SERTM1: variants seen among roughly 807,000 people sequenced by gnomAD.
The protein encoded by SERTM1 is serine-rich and transmembrane domain-containing protein 1.
In SERTM1, 1 loss-of-function variant was observed where a neutral mutation model predicts 5.5. The ratio of observed to expected loss-of-function variants is 0.18; its 90% CI spans 0.06 to 0.86. The LOEUF (loss-of-function observed/expected upper bound fraction) is 0.86, where lower values mean the gene tolerates loss of function less well. SERTM1 is among the 40% of genes least tolerant of loss of function. The probability of loss-of-function intolerance (pLI) is 0.69; values close to 1 mark genes in which losing one functional copy is unlikely to be tolerated. For missense variants in SERTM1, 91 were observed against 122.4 expected (o/e 0.74, Z 1.21); for synonymous variants, 52 against 55.1 (o/e 0.94, Z 0.25).
Position 36,694,966 on chromosome 13 carries a change from C to A in SERTM1, c.-113C>A. 1 of 748,316 alleles carries A rather than the reference C, an allele frequency of 1.3e-6. No individual in the cohort carries two copies. Among genetic ancestry groups the A allele is most frequent in the Non-Finnish European group, 2.2e-6 (1 of 446,464 alleles). The allele number at this position is 748,316 out of a possible 1,614,324, so 46.4% of individuals were successfully genotyped here. ...AACAAGTTTTGTTGTGCTGATTTAA[C>A]AGCCTGTGAATTCTGCAAACACGAT... On this transcript the variant is annotated 5_prime_UTR_variant, in exon 2 of 2. Transcript: ENST00000315190.
chr13:36,676,811 A>T (rs1278730917), intron 1 of SERTM1, among the ~76,000 whole-genome samples: 4 of 152,210 alleles, frequency 2.6e-5, no homozygotes, highest in African/African-American at 7.2e-5. Flanking sequence ...GCTAAAAATA[A>T]TAATAATAAA....
intron 1 of SERTM1, among the ~76,000 whole-genome samples, chr13:36,690,274 G>A (rs1004721997): frequency 2.0e-5 from 3 of 152,084 alleles, no homozygotes; most frequent in Non-Finnish European, 2.9e-5. Context: ...CCAATTGAAG[G>A]ACTCATAATG....
At chr13:36,679,923 C>A (rs2056693035) in intron 1 of SERTM1, among the ~76,000 whole-genome samples, 1 of 152,020 alleles carries the variant, frequency 6.6e-6, no homozygotes, top group Non-Finnish European at 1.5e-5. Flanking sequence ...ACGCACACAA[C>A]TTTGTTTCAT....
chr13:36,684,261 C>T (rs1345202443), intron 1 of SERTM1, among the ~76,000 whole-genome samples: 1 of 151,924 alleles, frequency 6.6e-6, no homozygotes, highest in Non-Finnish European at 1.5e-5. Context: ...CGCACCACTG[C>T]ACTCCAGCCT....
intron 1 of SERTM1, among the ~76,000 whole-genome samples, chr13:36,681,389 A>G (rs956773891): frequency 1.3e-5 from 2 of 152,238 alleles, no homozygotes; most frequent in African/African-American, 4.8e-5. Context: ...TGAGTAGCCC[A>G]GATCTCCAAA....
At chr13:36,685,440 G>T (rs966262453) in intron 1 of SERTM1, among the ~76,000 whole-genome samples, 1 of 152,204 alleles carries the variant, frequency 6.6e-6, no homozygotes, top group Admixed American at 6.5e-5. Context: ...CGTGTTTTAT[G>T]TAACCTCTGT....
At position 36,696,857 on chromosome 13, in the gene SERTM1, C is replaced by T. The variant is rs1377344835; in HGVS notation, c.*1455C>T. 6.0e-6 allele frequency: 1 copy of T among 167,074 alleles called. No individual in the cohort carries two copies. The highest frequency in any genetic ancestry group is 1.5e-5 in the Non-Finnish European group (1 of 68,122). 10.3% of individuals were successfully genotyped at this position (167,074 alleles called of 1,614,324 possible). ...CAACTGAATCATTCCTTGTTCAAAA[C>T]ATTTAATCATCTTAAGCAGTGGGGC... On this transcript the variant is annotated 3_prime_UTR_variant, in exon 2 of 2. Transcript: ENST00000315190.
intron 1 of SERTM1, among the ~76,000 whole-genome samples, chr13:36,691,434 C>T (rs2056777726): frequency 1.3e-5 from 2 of 152,176 alleles, no homozygotes; most frequent in Admixed American, 1.3e-4. Context: ...CTGCACATCC[C>T]TCCTTCCTCA....
chr13:36,678,032 A>G (rs1158725739), intron 1 of SERTM1, among the ~76,000 whole-genome samples: 1 of 152,234 alleles, frequency 6.6e-6, no homozygotes, highest in Non-Finnish European at 1.5e-5. Context: ...TTAAGTATAG[A>G]CAGTACAGAA....
At chr13:36,674,929 G>C (rs2138080885) in intron 1 of SERTM1, among the ~76,000 whole-genome samples, 1 of 152,250 alleles carries the variant, frequency 6.6e-6, no homozygotes, top group South Asian at 2.1e-4. Context: ...CTGGAATCCT[G>C]CCTTTCCCTG....
chr13:36,691,524 A>G (rs931876081), intron 1 of SERTM1, among the ~76,000 whole-genome samples: 1 of 152,158 alleles, frequency 6.6e-6, no homozygotes, highest in Non-Finnish European at 1.5e-5. Context: ...AAGCTGGTTG[A>G]CCATGAGCTA....
chr13:36,677,838 A>G (rs946031481), intron 1 of SERTM1, among the ~76,000 whole-genome samples: 1 of 152,236 alleles, frequency 6.6e-6, no homozygotes, highest in Non-Finnish European at 1.5e-5. Flanking sequence ...CCTTGTGACC[A>G]GGATTATATC....
At chr13:36,681,729 A>T (rs1054405649) in intron 1 of SERTM1, among the ~76,000 whole-genome samples, 3 of 152,242 alleles carry the variant, frequency 2.0e-5, no homozygotes, top group Non-Finnish European at 4.4e-5. Flanking sequence ...AAATTCTTTT[A>T]AAAATGCATT....
chr13:36,687,967 A>G (rs2056753363), intron 1 of SERTM1, among the ~76,000 whole-genome samples: 1 of 151,228 alleles, frequency 6.6e-6, no homozygotes, highest in South Asian at 2.1e-4. Flanking sequence ...AAAAACAAAA[A>G]AAAAAGCTCT....
chr13:36,694,956 G>C lies in SERTM1; in HGVS notation c.-123G>C. 1 of 693,504 alleles carries C rather than the reference G, an allele frequency of 1.4e-6. No homozygotes were observed. The highest frequency in any genetic ancestry group is 2.5e-6 in the Non-Finnish European group (1 of 406,502). The allele number at this position is 693,504 out of a possible 1,614,324, so 43.0% of individuals were successfully genotyped here. A position where few individuals can be genotyped will look rare whatever the true frequency, so the allele number is the denominator to read the frequency against. The stretch of plus-strand genomic sequence containing the variant: ...GCCTTTGAGAAACAAGTTTTGTTGT[G>C]CTGATTTAACAGCCTGTGAATTCTG... On this transcript the variant is annotated 5_prime_UTR_variant, in exon 2 of 2. Coordinates refer to ENST00000315190, the MANE Select transcript of SERTM1 (RefSeq NM_203451.3).
chr13:36,686,090 A>G (rs979851876), intron 1 of SERTM1, among the ~76,000 whole-genome samples: 4 of 152,218 alleles, frequency 2.6e-5, no homozygotes, highest in African/African-American at 9.6e-5. Flanking sequence ...GATTCAGTCC[A>G]GTGGGTGGTG....
At chr13:36,675,685 G>GT (rs2138081467) in intron 1 of SERTM1, among the ~76,000 whole-genome samples, 1 of 152,240 alleles carries the variant, frequency 6.6e-6, no homozygotes, top group South Asian at 2.1e-4. Flanking sequence ...TCAGAACACC[G>GT]TTTTTAGTTG....
chr13:36,692,435 C>A (rs1158476340), intron 1 of SERTM1, among the ~76,000 whole-genome samples: 1 of 152,188 alleles, frequency 6.6e-6, no homozygotes, highest in Non-Finnish European at 1.5e-5. Context: ...GTGCCTCCAG[C>A]ACCATCCCTG....
intron 1 of SERTM1, among the ~76,000 whole-genome samples, chr13:36,676,786 T>C (rs1464913689): frequency 1.3e-5 from 2 of 152,198 alleles, no homozygotes; most frequent in Admixed American, 6.5e-5. Flanking sequence ...GATTTCATGA[T>C]TGTTTATAAT....
Sources: gnomAD v4.1 joint callset for allele counts (sites outside exome capture counted in the v4.1 genomes callset) on GRCh38, gnomAD v4.1.1 for gene constraint, MANE v1.5 for transcripts, NCBI Gene and HGNC (gene_info 2026-07-23, HGNC 2026-07-21) for gene names.